COL23A1: variants seen among roughly 807,000 people sequenced by gnomAD.
COL23A1 encodes the protein collagen alpha-1(XXIII) chain.
COL23A1 carries 97 observed loss-of-function variants against 99.3 expected under a neutral mutation model. That is an observed-to-expected ratio of 0.98 (90% CI 0.83 to 1.16). COL23A1 has a LOEUF of 1.16. COL23A1 is among the 50% of genes most tolerant of loss of function. The pLI, the probability that COL23A1 is intolerant of heterozygous loss-of-function variation, is 0.00. For missense variants in COL23A1, 762 were observed against 757.4 expected, an observed-to-expected ratio of 1.01 and a Z score of -0.07; for synonymous variants, 320 against 308.2, an observed-to-expected ratio of 1.04 and a Z score of -0.40.
At position 178,428,126 on chromosome 5, in the gene COL23A1, C is replaced by T. The variant is rs995817089; in HGVS notation, c.362-121207G>A. Among the ~76,000 whole-genome samples the T allele has an allele frequency of 6.6e-6, 1 of 152,196 alleles. No homozygotes were observed. Among genetic ancestry groups the T allele is most frequent in the African/African-American group, 2.4e-5 (1 of 41,434 alleles). On this transcript the variant is annotated intron_variant, in intron 2 of 28. Coordinates refer to ENST00000390654, the MANE Select transcript of COL23A1 (RefSeq NM_173465.4). This position sits in a 1 kb window ranked among gnomAD's most constrained non-coding sequence, Gnocchi z 5.0. ...AGCAATGAGGGTATCATCAAAAGCC[C>T]ACATCTATGCTCACTGGCTCAGATA...
intron 2 of COL23A1, among the ~76,000 whole-genome samples, chr5:178,349,418 T>C (rs1313098006): frequency 2.0e-5 from 3 of 152,164 alleles, no homozygotes; most frequent in Non-Finnish European, 4.4e-5. Flanking sequence ...ACTGGCTTCC[T>C]TTCTCACTTT....
chr5:178,442,555 G>A lies in COL23A1; in HGVS notation c.361+118127C>T, dbSNP rs1220647382. 2.0e-5 allele frequency among the ~76,000 whole-genome samples: 3 copies of A among 152,178 alleles called. No homozygotes were observed. In the East Asian group the frequency reaches 5.8e-4, roughly 29 times the overall value. ...GGGGTCCCAGTCTGCCATTCGGGGA[G>A]CACCAGCGTGCTTCCTGCTGACTCA... On this transcript the variant is annotated intron_variant, in intron 2 of 28. Coordinates refer to ENST00000390654, the MANE Select transcript of COL23A1 (RefSeq NM_173465.4).
chr5:178,421,902 CA>C (rs1426448022), intron 2 of COL23A1, among the ~76,000 whole-genome samples: 3 of 152,070 alleles, frequency 2.0e-5, no homozygotes, highest in Non-Finnish European at 4.4e-5. Context: ...AGGCACCAAA[CA>C]GGCAAAAGGT....
intron 1 of COL23A1, among the ~76,000 whole-genome samples, chr5:178,581,933 G>A (rs142698213): frequency 0.013 from 1,932 of 152,272 alleles, 42 homozygotes; most frequent in African/African-American, 0.043. Context: ...CATGATGGAT[G>A]AGAAAGGATT....
chr5:178,433,673 C>A (rs900404072), intron 2 of COL23A1, among the ~76,000 whole-genome samples: 1 of 152,160 alleles, frequency 6.6e-6, no homozygotes, highest in Non-Finnish European at 1.5e-5. Context: ...TCTGAATAGT[C>A]CAAGGATTTT....
At chr5:178,291,341 T>C (rs1757448327) in intron 3 of COL23A1, among the ~76,000 whole-genome samples, 1 of 152,178 alleles carries the variant, frequency 6.6e-6, no homozygotes, top group Non-Finnish European at 1.5e-5. Flanking sequence ...GAGCCCTGGC[T>C]CATGAATGTT....
At chr5:178,288,111 C>G (rs878875469) in intron 5 of COL23A1, among the ~76,000 whole-genome samples, 2 of 152,172 alleles carry the variant, frequency 1.3e-5, no homozygotes, top group South Asian at 4.1e-4. Context: ...CAGACACCTG[C>G]TCGAGGTGCT....
intron 12 of COL23A1, among the ~76,000 whole-genome samples, chr5:178,258,550 C>T (rs1204027175): frequency 6.6e-6 from 1 of 151,406 alleles, no homozygotes; most frequent in African/African-American, 2.4e-5. Flanking sequence ...CGCCCGCCAC[C>T]ACGCCCGGCT....
intron 2 of COL23A1, among the ~76,000 whole-genome samples, chr5:178,457,061 T>C (rs1048397276): frequency 3.3e-5 from 5 of 152,194 alleles, no homozygotes; most frequent in African/African-American, 9.7e-5. Context: ...GGCCCTTCCA[T>C]GCACACCTTG....
At chr5:178,528,176 G>C (rs1760422247) in intron 2 of COL23A1, among the ~76,000 whole-genome samples, 1 of 152,072 alleles carries the variant, frequency 6.6e-6, no homozygotes, top group Admixed American at 6.6e-5. Context: ...TCACCTCCTG[G>C]AAACCCTTGC....
intron 2 of COL23A1, among the ~76,000 whole-genome samples, chr5:178,526,585 T>C (rs1361402350): frequency 6.6e-6 from 1 of 152,066 alleles, no homozygotes; most frequent in East Asian, 1.9e-4. Flanking sequence ...CTGAAGCCAG[T>C]TTGAGTCATG....
chr5:178,561,031 G>C (rs1762535018), intron 1 of COL23A1, among the ~76,000 whole-genome samples: 1 of 152,226 alleles, frequency 6.6e-6, no homozygotes, highest in Admixed American at 6.5e-5. Context: ...AGTTACGACA[G>C]AAACAGCGTC....
chr5:178,577,074 G>T (rs1380549019), intron 1 of COL23A1, among the ~76,000 whole-genome samples: 1 of 152,108 alleles, frequency 6.6e-6, no homozygotes, highest in African/African-American at 2.4e-5. Context: ...CCTCCCTGTC[G>T]CCGTCTGCGC....
intron 2 of COL23A1, among the ~76,000 whole-genome samples, chr5:178,504,441 A>C (rs962947828): frequency 6.6e-6 from 1 of 152,128 alleles, no homozygotes; most frequent in African/African-American, 2.4e-5. Flanking sequence ...GATGAAAACG[A>C]GAGGATGGGG....
intron 2 of COL23A1, among the ~76,000 whole-genome samples, chr5:178,411,020 C>T (rs909234238): frequency 1.3e-5 from 2 of 152,116 alleles, no homozygotes; most frequent in Non-Finnish European, 2.9e-5. Flanking sequence ...GATACACAAA[C>T]AGCCAACAAG....
chr5:178,481,090 G>A (rs1581472414), intron 2 of COL23A1, among the ~76,000 whole-genome samples: 1 of 138,190 alleles, frequency 7.2e-6, no homozygotes, highest in South Asian at 2.2e-4. Context: ...GGAGGCTGCA[G>A]CGAGCCGAGA....
In COL23A1 at chr5:178,246,156, CAGGGACCCAGTGAGGT is replaced by C. The variant is rs1321541099; in HGVS notation, c.1413+82_1413+97del. 98 of 816,752 alleles carry C rather than the reference CAGGGACCCAGTGAGGT, an allele frequency of 1.2e-4. No individual in the cohort carries two copies. In the African/African-American group the frequency reaches 3.2e-3, roughly 27 times the overall value. The allele number at this position is 816,752 out of a possible 1,614,324, so 50.6% of individuals were successfully genotyped here. A position where few individuals can be genotyped will look rare whatever the true frequency, so the allele number is the denominator to read the frequency against. On this transcript the variant is annotated intron_variant, in intron 24 of 28. Coordinates refer to ENST00000390654, the MANE Select transcript of COL23A1 (RefSeq NM_173465.4). Reference sequence around the variant, plus strand: ...GCCTGAACTCTGGCCCTGCGAAGTGCAGGGACCCAGTGAGGTACAGGGTTGGGGTCCCCGGGCTGAG... The same window carrying C: ...GCCTGAACTCTGGCCCTGCGAAGTGCACAGGGTTGGGGTCCCCGGGCTGAG...
At chr5:178,375,268 G>A (rs1013476515) in intron 2 of COL23A1, among the ~76,000 whole-genome samples, 2 of 152,068 alleles carry the variant, frequency 1.3e-5, no homozygotes, top group African/African-American at 4.8e-5. Context: ...TGGGGGAGAG[G>A]AGGGGAGGTG....
chr5:178,423,063 C>T (rs935431234), intron 2 of COL23A1, among the ~76,000 whole-genome samples: 1 of 152,110 alleles, frequency 6.6e-6, no homozygotes, highest in South Asian at 2.1e-4. Flanking sequence ...AACTACTGGG[C>T]TCAAGCAATT....
Sources: gnomAD v4.1 joint callset for allele counts (sites outside exome capture counted in the v4.1 genomes callset) on GRCh38, gnomAD v4.1.1 for gene constraint, Gnocchi (gnomAD v3.1) non-coding constraint, MANE v1.5 for transcripts, NCBI Gene and HGNC (gene_info 2026-07-23, HGNC 2026-07-21) for gene names.